GRM7: variants seen among roughly 807,000 people sequenced by gnomAD.
GRM7 encodes the protein metabotropic glutamate receptor 7.
GRM7 carries 35 observed loss-of-function variants against 84.5 expected under a neutral mutation model. The ratio of observed to expected loss-of-function variants is 0.41; its 90% CI spans 0.32 to 0.55. The LOEUF (loss-of-function observed/expected upper bound fraction) is 0.55. Among genes scored for constraint, GRM7 ranks in the 20% least tolerant of loss-of-function variants. The probability of loss-of-function intolerance (pLI) is 0.19; values close to 1 mark genes in which losing one functional copy is unlikely to be tolerated. For synonymous variants in GRM7, 487 were observed against 455.1 expected, an observed-to-expected ratio of 1.07 and a Z score of -0.89; for missense variants, 1,003 against 1,194.6, an observed-to-expected ratio of 0.84 and a Z score of 2.36.
chr3:7,544,257 G>A (rs1203255407), intron 7 of GRM7, among the ~76,000 whole-genome samples: 1 of 152,134 alleles, frequency 6.6e-6, no homozygotes, highest in East Asian at 1.9e-4. Context: ...CGAACTCCGG[G>A]GCTCAAGGGA....
chr3:7,264,134 G>A (rs1698544940), intron 2 of GRM7, among the ~76,000 whole-genome samples: 1 of 152,134 alleles, frequency 6.6e-6, no homozygotes, highest in Admixed American at 6.5e-5. Flanking sequence ...CTGCAAGCAA[G>A]TGCAGCCAGG....
At chr3:7,159,851 A>G (rs1694569326) in intron 2 of GRM7, among the ~76,000 whole-genome samples, 1 of 152,178 alleles carries the variant, frequency 6.6e-6, no homozygotes, top group Non-Finnish European at 1.5e-5. Context: ...TTTAAAAACT[A>G]AAAGTTCAAA....
chr3:7,276,369 T>C (rs1699057495), intron 2 of GRM7, among the ~76,000 whole-genome samples: 1 of 151,884 alleles, frequency 6.6e-6, no homozygotes, highest in African/African-American at 2.4e-5. Context: ...TGCAAAAGGC[T>C]AATTTGTTTT....
chr3:7,364,542 A>G (rs1245705987), intron 4 of GRM7, among the ~76,000 whole-genome samples: 1 of 151,400 alleles, frequency 6.6e-6, no homozygotes, highest in Non-Finnish European at 1.5e-5. Flanking sequence ...TAATATTTTC[A>G]TTTAGCTTTT....
At chr3:7,731,017 A>G (rs1023614428) in intron 9 of GRM7, among the ~76,000 whole-genome samples, 1 of 152,108 alleles carries the variant, frequency 6.6e-6, no homozygotes, top group African/African-American at 2.4e-5. Context: ...CAAATATGCC[A>G]TTTAAGAACG....
intron 1 of GRM7, among the ~76,000 whole-genome samples, chr3:7,101,424 T>A (rs1377382457): frequency 6.6e-6 from 1 of 151,734 alleles, no homozygotes; most frequent in Non-Finnish European, 1.5e-5. Flanking sequence ...TTTCTTATGC[T>A]TGTTGTTTGT....
At chr3:6,958,387 T>C (rs163420) in intron 1 of GRM7, among the ~76,000 whole-genome samples, 95,405 of 151,918 alleles carry the variant, frequency 0.63, 30,532 homozygotes, top group African/African-American at 0.77. Flanking sequence ...AATAGTAATC[T>C]TCTGTGAGGG....
In GRM7 at chr3:7,002,459, C is replaced by G. The variant is rs1334822086; in HGVS notation, c.519+140552C>G. Among the ~76,000 whole-genome samples, 3 of 152,116 alleles carry G rather than the reference C, an allele frequency of 2.0e-5. No individual in the cohort carries two copies. In the East Asian group the frequency reaches 5.8e-4, roughly 29 times the overall value. On this transcript the variant is annotated intron_variant, in intron 1 of 9. Transcript: ENST00000357716. ...ACTGACAAAGAATCACTAATATATA[C>G]ATATGAGAAACTTAAATACATATTA...
chr3:7,023,317 C>T (rs1386549125), intron 1 of GRM7, among the ~76,000 whole-genome samples: 2 of 152,032 alleles, frequency 1.3e-5, no homozygotes, highest in African/African-American at 4.8e-5. Context: ...AAAAAGAATT[C>T]CAGAGAGTCC....
chr3:7,015,702 T>A (rs1182728882), intron 1 of GRM7, among the ~76,000 whole-genome samples: 1 of 152,166 alleles, frequency 6.6e-6, no homozygotes, highest in African/African-American at 2.4e-5. Context: ...TCCTCCTTCA[T>A]GTGGCTATTG....
chr3:6,921,447 C>G (rs1697120989), intron 1 of GRM7, among the ~76,000 whole-genome samples: 1 of 152,196 alleles, frequency 6.6e-6, no homozygotes, highest in Non-Finnish European at 1.5e-5. Context: ...CCAACAGCTT[C>G]TATTTACCTG....
chr3:7,645,546 T>A (rs1475551474), intron 8 of GRM7, among the ~76,000 whole-genome samples: 1 of 87,792 alleles, frequency 1.1e-5, no homozygotes, highest in Non-Finnish European at 2.1e-5. Context: ...GACTCCATCT[T>A]AAAAAAAAAA....
At chr3:7,426,245 G>A (rs901041815) in intron 5 of GRM7, among the ~76,000 whole-genome samples, 1 of 151,748 alleles carries the variant, frequency 6.6e-6, no homozygotes, top group South Asian at 2.1e-4. Context: ...TCAGCCTCCC[G>A]AGTAGCTGGG....
At chr3:7,547,767 C>T (rs910686545) in intron 7 of GRM7, among the ~76,000 whole-genome samples, 1 of 152,086 alleles carries the variant, frequency 6.6e-6, no homozygotes, top group Admixed American at 6.6e-5. Flanking sequence ...GAAAAAATAG[C>T]CAAGCAAAAT....
chr3:7,115,108 G>A (rs1692986788), intron 1 of GRM7, among the ~76,000 whole-genome samples: 1 of 152,144 alleles, frequency 6.6e-6, no homozygotes, highest in South Asian at 2.1e-4. Flanking sequence ...TGTATTCTAA[G>A]TCACAGAGAA....
chr3:7,077,078 T>C (rs1007557915), intron 1 of GRM7, among the ~76,000 whole-genome samples: 4 of 152,098 alleles, frequency 2.6e-5, no homozygotes, highest in Admixed American at 2.6e-4. Flanking sequence ...AAACAACAGG[T>C]GCTGGAGAGT....
At chr3:7,215,161 C>T (rs1034879017) in intron 2 of GRM7, among the ~76,000 whole-genome samples, 58 of 152,256 alleles carry the variant, frequency 3.8e-4, no homozygotes, top group African/African-American at 1.2e-3. Context: ...ACGTTATCCC[C>T]TGAAACTCTG....
intron 1 of GRM7, among the ~76,000 whole-genome samples, chr3:6,929,673 A>T (rs1057468535): frequency 6.6e-6 from 1 of 152,210 alleles, no homozygotes; most frequent in Non-Finnish European, 1.5e-5. Flanking sequence ...TAAGATGCAT[A>T]TAACAGATAA....
intron 2 of GRM7, among the ~76,000 whole-genome samples, chr3:7,291,465 A>T (rs1699617447): frequency 6.7e-6 from 1 of 149,792 alleles, no homozygotes; most frequent in African/African-American, 2.5e-5. Flanking sequence ...CAGTACAGAC[A>T]GGGTTAGAGG....
Sources: allele counts gnomAD v4.1 joint callset (sites outside exome capture counted in the v4.1 genomes callset), GRCh38; gene constraint gnomAD v4.1.1; transcripts MANE v1.5; gene names NCBI Gene and HGNC (gene_info 2026-07-23, HGNC 2026-07-21).